The following GYPC variants were observed in gnomAD, a reference collection of about 807,000 sequenced individuals.
GYPC encodes the protein glycophorin-C.
A neutral mutation model predicts 12.6 loss-of-function variants in GYPC; 14 were observed. That is an observed-to-expected ratio of 1.11 (90% confidence interval 0.74 to 1.74). The LOEUF (loss-of-function observed/expected upper bound fraction) is 1.74. GYPC is among the 40% of genes most tolerant of loss of function. The pLI, the probability that GYPC is intolerant of heterozygous loss-of-function variation, is 0.00. For missense variants in GYPC, 225 were observed against 172.1 expected, an observed-to-expected ratio of 1.31 and a Z score of -1.72; for synonymous variants, 78 against 62.1, an observed-to-expected ratio of 1.26 and a Z score of -1.20.
chr2:126,681,602 G>T (rs1470719230), intron 1 of GYPC, among the ~76,000 whole-genome samples: 1 of 152,006 alleles, frequency 6.6e-6, no homozygotes, highest in Non-Finnish European at 1.5e-5. Flanking sequence ...TCGACGATGA[G>T]AATAATTAAT....
chr2:126,694,081 G>C (rs1683565910), intron 3 of GYPC, 134 bp downstream of exon 3: 5 of 712,314 alleles, frequency 7.0e-6, no homozygotes, highest in South Asian at 5.9e-5. Flanking sequence ...AGGTGGTTTT[G>C]AATGTGGAAT....
intron 2 of GYPC, among the ~76,000 whole-genome samples, chr2:126,691,367 C>G (rs1350494882): frequency 1.3e-5 from 2 of 152,088 alleles, no homozygotes; most frequent in South Asian, 2.1e-4. Flanking sequence ...CCTCTGGAGT[C>G]CCAGCAGAAG....
chr2:126,684,203 G>C (rs552575954), intron 1 of GYPC, among the ~76,000 whole-genome samples: 2 of 152,322 alleles, frequency 1.3e-5, no homozygotes, highest in Admixed American at 6.5e-5. Context: ...TTGACCTTGA[G>C]ACTTTCAGAC....
At chr2:126,659,767 T>G (rs562381244) in intron 1 of GYPC, among the ~76,000 whole-genome samples, 1 of 151,654 alleles carries the variant, frequency 6.6e-6, no homozygotes, top group Non-Finnish European at 1.5e-5. Context: ...TTTCTTTTCT[T>G]TTTCTTTCTT....
intron 1 of GYPC, among the ~76,000 whole-genome samples, chr2:126,672,480 G>T (rs1007007195): frequency 1.3e-5 from 2 of 152,208 alleles, no homozygotes; most frequent in Non-Finnish European, 2.9e-5. Flanking sequence ...GTCTGAAATT[G>T]TCAGATGTAT....
At chr2:126,670,648 C>G (rs184180072) in intron 1 of GYPC, among the ~76,000 whole-genome samples, 216 of 152,228 alleles carry the variant, frequency 1.4e-3, no homozygotes, top group Admixed American at 2.7e-3. Context: ...TGGCTTAGTC[C>G]CCACAGGCAC....
At chr2:126,685,394 T>C (rs1305698356) in intron 1 of GYPC, among the ~76,000 whole-genome samples, 2 of 151,870 alleles carry the variant, frequency 1.3e-5, no homozygotes, top group Non-Finnish European at 2.9e-5. Flanking sequence ...TTCTTTCTTT[T>C]TTTTTTTTGA....
intron 1 of GYPC, among the ~76,000 whole-genome samples, chr2:126,656,975 G>T (rs1474759832): frequency 6.6e-6 from 1 of 152,186 alleles, no homozygotes; most frequent in Non-Finnish European, 1.5e-5. Flanking sequence ...TCTGCCGTTG[G>T]ACTTTTGCAA....
intron 1 of GYPC, chr2:126,675,536 C>T (rs958462498): frequency 5.3e-6 from 1 of 189,130 alleles, no homozygotes; most frequent in Non-Finnish European, 9.8e-6. Context: ...CTGTGAGCCT[C>T]TCATTGTGTC....
chr2:126,695,685 A>T (rs1530147), intron 3 of GYPC, among the ~76,000 whole-genome samples: 1 of 152,064 alleles, frequency 6.6e-6, no homozygotes, highest in Admixed American at 6.5e-5. Context: ...GGTTAATGTT[A>T]AGTGTTCTGA....
At chr2:126,685,436 G>A (rs528675630) in intron 1 of GYPC, among the ~76,000 whole-genome samples, 64 of 151,710 alleles carry the variant, frequency 4.2e-4, no homozygotes, top group Non-Finnish European at 7.9e-4. Flanking sequence ...CCAGGTTGGA[G>A]TGCAATGATG....
At chr2:126,656,584 G>T (rs909283375) in intron 1 of GYPC, among the ~76,000 whole-genome samples, 1 of 152,284 alleles carries the variant, frequency 6.6e-6, no homozygotes, top group Admixed American at 6.5e-5. Context: ...CCCTCCCAGG[G>T]CGTGTCGCCC....
chr2:126,675,239 C>T (rs1682965219), intron 1 of GYPC, among the ~76,000 whole-genome samples: 1 of 152,176 alleles, frequency 6.6e-6, no homozygotes, highest in African/African-American at 2.4e-5. Context: ...CTCGTGGATT[C>T]CTCCCACAAT....
intron 1 of GYPC, chr2:126,680,239 A>AT (rs1254687137): frequency 1.3e-5 from 2 of 152,260 alleles, no homozygotes; most frequent in Non-Finnish European, 2.9e-5. Context: ...AATGATGTGA[A>AT]TAAGGATGAA....
intron 1 of GYPC, among the ~76,000 whole-genome samples, chr2:126,660,773 A>G (rs1371013912): frequency 2.0e-5 from 3 of 152,172 alleles, no homozygotes; most frequent in African/African-American, 7.2e-5. Context: ...CTTGGCATGG[A>G]CTTGGAGGCC....
chr2:126,693,774 A>C, intron 2 of GYPC, 90 bp from the exon 3 acceptor site: 1 of 871,128 alleles, frequency 1.1e-6, no homozygotes, highest in Non-Finnish European at 2.0e-6. Context: ...AGCTGCTCAC[A>C]CCTGAGCAAA....
chr2:126,686,298 C>G, intron 1 of GYPC: 1 of 985,690 alleles, frequency 1.0e-6, no homozygotes, highest in Non-Finnish European at 1.2e-6. Flanking sequence ...AACAGCTGCA[C>G]TCAAGCTGCC....
At position 126,660,687 on chromosome 2, in the gene GYPC, C is replaced by T. The variant is rs118100270; in HGVS notation, c.49+4375C>T. ...GATTGCAGGGATGACCCAAGGCCCA[C>T]GCTCCCAGGACTGCCACCATTCCAA... On this transcript the variant is annotated intron_variant, in intron 1 of 3. Coordinates refer to ENST00000259254, the MANE Select transcript of GYPC (RefSeq NM_002101.5). Among the ~76,000 whole-genome samples the T allele has an allele frequency of 4.4e-4, 67 of 152,272 alleles. No homozygotes were observed. In the East Asian group the frequency reaches 6.2e-3, roughly 14 times the overall value.
chr2:126,666,594 C>T (rs551076686), intron 1 of GYPC, among the ~76,000 whole-genome samples: 1 of 152,140 alleles, frequency 6.6e-6, no homozygotes, highest in Admixed American at 6.5e-5. Flanking sequence ...ACTGTTCAGG[C>T]CACTGAAACT....
Sources: allele counts gnomAD v4.1 joint callset (sites outside exome capture counted in the v4.1 genomes callset), GRCh38; gene constraint gnomAD v4.1.1; transcripts MANE v1.5; gene names NCBI Gene and HGNC (gene_info 2026-07-23, HGNC 2026-07-21).